The following MRPL48 variants were observed in gnomAD, a reference collection of about 807,000 sequenced individuals.
The protein encoded by MRPL48 is mitochondrial ribosomal protein L48, also known as large ribosomal subunit protein mL48.
In MRPL48, 16 loss-of-function variants were observed where a neutral mutation model predicts 32.9. The ratio of observed to expected loss-of-function variants is 0.49; its 90% CI spans 0.33 to 0.74. MRPL48 has a LOEUF of 0.74. Ranked by LOEUF, MRPL48 falls within the 30% of genes least tolerant of loss-of-function variation. MRPL48 has a pLI of 0.02. For synonymous variants in MRPL48, 94 were observed against 89.2 expected (o/e 1.05, Z -0.31); for missense variants, 206 against 245.3 (o/e 0.84, Z 1.07).
intron 5 of MRPL48, among the ~76,000 whole-genome samples, chr11:73,851,841 C>T (rs1948395453): frequency 6.6e-6 from 1 of 151,796 alleles, no homozygotes; most frequent in South Asian, 2.1e-4. Flanking sequence ...TTGATTGAGC[C>T]TCTTCTTGCT....
intron 1 of MRPL48, chr11:73,789,225 T>A (rs972803619): frequency 2.6e-5 from 4 of 152,246 alleles, no homozygotes; most frequent in African/African-American, 9.6e-5. Flanking sequence ...CACTGGTGAC[T>A]ACACTCCTTG....
In MRPL48 at chr11:73,800,973, G is replaced by A. The variant is rs191615443; in HGVS notation, c.22-4054G>A. ...ATTACAGGCATGCGCCACCACGCCC[G>A]GCTAATTTTGTATTTTTAGTAGAGA... On this transcript the variant is annotated intron_variant, in intron 1 of 7. Transcript: ENST00000310614. Among the ~76,000 whole-genome samples, 816 of 151,906 alleles carry A rather than the reference G, an allele frequency of 5.4e-3. 9 individuals are homozygous for A. The highest frequency in any genetic ancestry group is 0.018 in the African/African-American group (744 of 41,428).
At chr11:73,795,088 A>AT (rs1187628746) in intron 1 of MRPL48, among the ~76,000 whole-genome samples, 3 of 148,836 alleles carry the variant, frequency 2.0e-5, no homozygotes, top group African/African-American at 7.4e-5. Flanking sequence ...ATTTTTTTGT[A>AT]TTTTTTTAGT....
intron 1 of MRPL48, among the ~76,000 whole-genome samples, chr11:73,799,510 A>C (rs866719544): frequency 6.6e-6 from 1 of 152,164 alleles, no homozygotes; most frequent in Admixed American, 6.6e-5. Context: ...AACATGACTT[A>C]TTAGTTGTGT....
chr11:73,834,757 T>C (rs910695427), intron 4 of MRPL48, among the ~76,000 whole-genome samples: 1 of 151,628 alleles, frequency 6.6e-6, no homozygotes, highest in Non-Finnish European at 1.5e-5. Flanking sequence ...TTGGTCTTAA[T>C]CTCCTGACCT....
rs932543977 is a variant in MRPL48 at position 73,805,295 on chromosome 11, T to C, written c.74+216T>C. Among the ~76,000 whole-genome samples the C allele has an allele frequency of 1.5e-4, 8 of 52,970 alleles. No homozygotes were observed. The South Asian group carries it at 1.7e-3, about 11-fold the overall frequency. 34.8% of individuals were successfully genotyped at this position (52,970 alleles called of 152,430 possible). Reference sequence around the variant, plus strand: ...TGCAGTTAATCTTTGATGCTGTTCTTTTTTTTTTTTTTTCTTTTTGAGATG... The same window carrying C: ...TGCAGTTAATCTTTGATGCTGTTCTCTTTTTTTTTTTTTCTTTTTGAGATG... On this transcript the variant is annotated intron_variant, in intron 2 of 7. Transcript: ENST00000310614.
intron 3 of MRPL48, among the ~76,000 whole-genome samples, chr11:73,822,602 C>T (rs1222350815): frequency 3.9e-5 from 6 of 152,136 alleles, no homozygotes; most frequent in African/African-American, 1.4e-4. Flanking sequence ...TCTCTGAAGC[C>T]AGTACTATCT....
chr11:73,852,863 G>A (rs1948423817), intron 5 of MRPL48, among the ~76,000 whole-genome samples: 1 of 152,204 alleles, frequency 6.6e-6, no homozygotes, highest in South Asian at 2.1e-4. Context: ...CTGTCAACAG[G>A]TGAATGGATA....
intron 4 of MRPL48, among the ~76,000 whole-genome samples, chr11:73,840,272 C>G (rs1948165306): frequency 6.6e-6 from 1 of 152,100 alleles, no homozygotes; most frequent in South Asian, 2.1e-4. Context: ...GCTGGCGGAT[C>G]ACTTGAACCC....
At chr11:73,808,436 C>A (rs2134969423) in intron 3 of MRPL48, 86 bp downstream of exon 3, 1 of 1,380,680 alleles carries the variant, frequency 7.2e-7, no homozygotes, top group Non-Finnish European at 1.0e-6. Context: ...GGAAGCCTAC[C>A]ATATCTTTGA....
intron 5 of MRPL48, among the ~76,000 whole-genome samples, chr11:73,855,960 C>G (rs1456857760): frequency 6.6e-6 from 1 of 152,144 alleles, no homozygotes. Flanking sequence ...TATTATTGGT[C>G]TTTTCTATTA....
chr11:73,844,680 G>A (rs911297567), intron 4 of MRPL48, 127 bp from the exon 5 acceptor site: 50 of 1,031,968 alleles, frequency 4.8e-5, no homozygotes, highest in Non-Finnish European at 6.7e-5. Context: ...GTTTGTAGGT[G>A]GGGTAACCTG....
At chr11:73,848,386 G>A (rs1948333437) in intron 5 of MRPL48, among the ~76,000 whole-genome samples, 1 of 151,016 alleles carries the variant, frequency 6.6e-6, no homozygotes, top group Non-Finnish European at 1.5e-5. Context: ...CTCTAACTTT[G>A]TTCTTCTTTT....
intron 4 of MRPL48, among the ~76,000 whole-genome samples, chr11:73,827,974 G>A (rs1377565516): frequency 6.6e-6 from 1 of 152,126 alleles, no homozygotes; most frequent in Non-Finnish European, 1.5e-5. Flanking sequence ...AACCTTCCCC[G>A]TCTAGGCATG....
intron 1 of MRPL48, among the ~76,000 whole-genome samples, chr11:73,791,336 G>A (rs1240929939): frequency 6.6e-6 from 1 of 152,008 alleles, no homozygotes; most frequent in Non-Finnish European, 1.5e-5. Flanking sequence ...CCATTATACT[G>A]ATCTAACATA....
intron 2 of MRPL48, among the ~76,000 whole-genome samples, chr11:73,807,998 A>G (rs1236423748): frequency 2.0e-5 from 3 of 152,204 alleles, no homozygotes; most frequent in Non-Finnish European, 4.4e-5. Flanking sequence ...AGGAGTGACC[A>G]TACTTTCCTT....
At chr11:73,826,769 A>ATTTT (rs1947899660) in intron 4 of MRPL48, among the ~76,000 whole-genome samples, 3 of 97,606 alleles carry the variant, frequency 3.1e-5, no homozygotes, top group Admixed American at 1.1e-4. Context: ...TTCTTACTGT[A>ATTTT]TTTTCTTTTT....
intron 4 of MRPL48, among the ~76,000 whole-genome samples, chr11:73,836,920 A>G (rs954024734): frequency 7.9e-5 from 12 of 152,196 alleles, no homozygotes; most frequent in African/African-American, 2.9e-4. Flanking sequence ...TGCACTTTAT[A>G]TAGCATCAGG....
chr11:73,844,908 C>G lies in MRPL48; in HGVS notation c.303C>G (p.Thr101=). Residue 101 remains threonine (T), a synonymous_variant, in exon 5 of 8, where the codon ACC becomes ACG. Transcript: ENST00000310614. The stretch of plus-strand genomic sequence containing the variant: ...TTCATCTGACTGCATATGATATGAC[C>G]CTGGCAGAGAGTTATGCCCAGTATG... ...LNIHLTAYDM[T]LAESYAQYVH... is the part of the protein sequence containing the mutation. 1 of 1,613,612 alleles carries G rather than the reference C, an allele frequency of 6.2e-7. No homozygotes were observed. Among genetic ancestry groups the G allele is most frequent in the Non-Finnish European group, 8.5e-7 (1 of 1,179,774 alleles).
Sources: allele counts gnomAD v4.1 joint callset (sites outside exome capture counted in the v4.1 genomes callset), GRCh38; gene constraint gnomAD v4.1.1; transcripts MANE v1.5; gene names NCBI Gene and HGNC (gene_info 2026-07-23, HGNC 2026-07-21).